The following BTBD9 variants were observed in gnomAD, a reference collection of about 807,000 sequenced individuals.
BTBD9 encodes BTB domain containing 9.
BTBD9 carries 49 observed loss-of-function variants against 64.3 expected under a neutral mutation model. That is an observed-to-expected ratio of 0.76 (90% confidence interval 0.61 to 0.97). The LOEUF (loss-of-function observed/expected upper bound fraction) is 0.97. Among genes scored for constraint, BTBD9 ranks in the 50% least tolerant of loss-of-function variants. The pLI is 0.00. For missense variants in BTBD9, 598 were observed against 762.1 expected, an observed-to-expected ratio of 0.78 and a Z score of 2.53; for synonymous variants, 260 against 274.7, an observed-to-expected ratio of 0.95 and a Z score of 0.53.
intron 1 of BTBD9, among the ~76,000 whole-genome samples, chr6:38,625,077 C>T (rs778827949): frequency 6.6e-6 from 1 of 152,088 alleles, no homozygotes; most frequent in African/African-American, 2.4e-5. Context: ...GTACATGACA[C>T]TATTTCTTGA....
intron 6 of BTBD9, among the ~76,000 whole-genome samples, chr6:38,483,867 C>A (rs1771275911): frequency 1.3e-5 from 2 of 152,208 alleles, no homozygotes; most frequent in Admixed American, 1.3e-4. Context: ...TGCTCAAGTG[C>A]TCCTTCCCCA....
intron 1 of BTBD9, among the ~76,000 whole-genome samples, chr6:38,616,979 A>G (rs1777813033): frequency 6.6e-6 from 1 of 152,146 alleles, no homozygotes; most frequent in Non-Finnish European, 1.5e-5. Context: ...GGATATCGCT[A>G]TGCGGTGAGT....
chr6:38,532,381 C>G (rs1773838606), intron 6 of BTBD9, among the ~76,000 whole-genome samples: 1 of 152,272 alleles, frequency 6.6e-6, no homozygotes, highest in African/African-American at 2.4e-5. Flanking sequence ...AGACTATACT[C>G]CTAGGTGAGT....
At chr6:38,262,814 C>G (rs1764840140) in intron 8 of BTBD9, among the ~76,000 whole-genome samples, 1 of 152,192 alleles carries the variant, frequency 6.6e-6, no homozygotes, top group South Asian at 2.1e-4. Flanking sequence ...TGCTGAATGG[C>G]ACTTTTTTCA....
chr6:38,598,038 C>A lies in BTBD9; in HGVS notation c.57G>T (p.Val19=), dbSNP rs1777107925. 1 of 1,613,822 alleles carries A rather than the reference C, an allele frequency of 6.2e-7. No homozygotes were observed. The highest frequency in any genetic ancestry group is 1.1e-5 in the South Asian group (1 of 91,076). Residue 19 remains valine, a synonymous_variant, in exon 2 of 11, where the codon GTG becomes GTT. Transcript: ENST00000481247. ...PFTAVGEIDH[V]HILSEHIGAL... is the part of the protein sequence containing the mutation. ...CACCAATATGTTCAGACAAAATGTG[C>A]ACATGATCAATTTCCCCCACTGCAG...
intron 6 of BTBD9, among the ~76,000 whole-genome samples, chr6:38,568,276 C>CA (rs1775610903): frequency 6.6e-6 from 1 of 152,164 alleles, no homozygotes; most frequent in Admixed American, 6.5e-5. Context: ...AATTCACACA[C>CA]AAAAAATCTG....
At chr6:38,223,020 C>A (rs1763269537) in intron 9 of BTBD9, among the ~76,000 whole-genome samples, 1 of 152,186 alleles carries the variant, frequency 6.6e-6, no homozygotes, top group Non-Finnish European at 1.5e-5. Context: ...AATTCTCCTG[C>A]CTCGCCTCTC....
intron 6 of BTBD9, among the ~76,000 whole-genome samples, chr6:38,442,144 G>A (rs1179464585): frequency 6.6e-6 from 1 of 152,072 alleles, no homozygotes; most frequent in Non-Finnish European, 1.5e-5. Flanking sequence ...TTTTTGTTAG[G>A]CTCCATTGCT....
At chr6:38,584,795 T>C (rs975588418) in intron 4 of BTBD9, among the ~76,000 whole-genome samples, 1 of 152,154 alleles carries the variant, frequency 6.6e-6, no homozygotes, top group African/African-American at 2.4e-5. Context: ...TTCTTGACAA[T>C]TCCTCACTTA....
chr6:38,405,338 G>A (rs1165545742), intron 6 of BTBD9, among the ~76,000 whole-genome samples: 1 of 152,162 alleles, frequency 6.6e-6, no homozygotes, highest in Admixed American at 6.5e-5. Context: ...AGTCATTGTA[G>A]GGCTCCTGCC....
At chr6:38,306,576 G>T (rs1006259155) in intron 7 of BTBD9, among the ~76,000 whole-genome samples, 1 of 152,228 alleles carries the variant, frequency 6.6e-6, no homozygotes, top group Non-Finnish European at 1.5e-5. Flanking sequence ...CAGAAAAAGT[G>T]ATCTGAAAAC....
At chr6:38,298,999 C>CT (rs1475178426) in intron 7 of BTBD9, among the ~76,000 whole-genome samples, 4 of 152,118 alleles carry the variant, frequency 2.6e-5, no homozygotes, top group African/African-American at 9.7e-5. Context: ...AATGCTATCC[C>CT]TCTCCCCATC....
intron 9 of BTBD9, among the ~76,000 whole-genome samples, chr6:38,222,254 G>GTTTTTTTTTT (rs771737210): frequency 5.2e-5 from 5 of 96,702 alleles, no homozygotes; most frequent in Non-Finnish European, 7.6e-5. Flanking sequence ...AATTCATTCA[G>GTTTTTTTTTT]TTGTTTTTTT....
intron 6 of BTBD9, among the ~76,000 whole-genome samples, chr6:38,346,957 T>A (rs770626008): frequency 1.1e-4 from 16 of 152,196 alleles, no homozygotes; most frequent in Non-Finnish European, 2.2e-4. Flanking sequence ...GAGACAGCTC[T>A]CCTACTGTGC....
At chr6:38,177,360 G>A (rs1462580464) in intron 10 of BTBD9, among the ~76,000 whole-genome samples, 1 of 152,154 alleles carries the variant, frequency 6.6e-6, no homozygotes, top group Non-Finnish European at 1.5e-5. Flanking sequence ...GGCCCCGCAA[G>A]CCTTCAGGGT....
intron 7 of BTBD9, 103 bp from the exon 8 acceptor site, chr6:38,288,564 G>T: frequency 1.1e-6 from 1 of 888,102 alleles, no homozygotes; most frequent in Non-Finnish European, 1.7e-6. Context: ...TCAAATCAAT[G>T]ATAAAAGAAA....
intron 1 of BTBD9, among the ~76,000 whole-genome samples, chr6:38,625,764 T>C (rs1271413163): frequency 1.3e-5 from 2 of 152,120 alleles, no homozygotes; most frequent in Non-Finnish European, 2.9e-5. Context: ...GAACCTGAGA[T>C]AGAATAAGGA....
chr6:38,411,524 T>C lies in BTBD9; in HGVS notation c.1155-66431A>G, dbSNP rs554781944. Among the ~76,000 whole-genome samples, 69 of 152,278 alleles carry C rather than the reference T, an allele frequency of 4.5e-4. 1 individual carries two copies. The highest frequency in any genetic ancestry group is 1.7e-3 in the African/African-American group (69 of 41,552). ...AAGATAAAATCGGATACATTCTTTC[T>C]CAATGTGCTTTAGTTCCAAAGCAAA... On this transcript the variant is annotated intron_variant, in intron 6 of 10. Coordinates refer to ENST00000481247, the MANE Select transcript of BTBD9 (RefSeq NM_001099272.2).
At chr6:38,540,930 G>A (rs2127437505) in intron 6 of BTBD9, among the ~76,000 whole-genome samples, 1 of 152,334 alleles carries the variant, frequency 6.6e-6, no homozygotes, top group South Asian at 2.1e-4. Flanking sequence ...ACATGCTAGA[G>A]TGGCAATACT....
Sources: allele counts gnomAD v4.1 joint callset (sites outside exome capture counted in the v4.1 genomes callset), GRCh38; gene constraint gnomAD v4.1.1; transcripts MANE v1.5; gene names NCBI Gene and HGNC (gene_info 2026-07-23, HGNC 2026-07-21).